The following UBAC2 variants were observed in gnomAD, a reference collection of about 807,000 sequenced individuals.
The protein encoded by UBAC2 is UBA domain containing 2, also known as ubiquitin-associated domain-containing protein 2.
Under a neutral mutation model 44.0 loss-of-function variants are expected in UBAC2, and 26 were observed. The ratio of observed to expected loss-of-function variants is 0.59; its 90% CI spans 0.43 to 0.82. The LOEUF is 0.82. Among genes scored for constraint, UBAC2 ranks in the 40% least tolerant of loss-of-function variants. The probability of loss-of-function intolerance (pLI) is 0.00; values close to 1 mark genes in which losing one functional copy is unlikely to be tolerated. For missense variants in UBAC2, 329 were observed against 419.4 expected, an observed-to-expected ratio of 0.78 and a Z score of 1.88; for synonymous variants, 155 against 154.3, an observed-to-expected ratio of 1.00 and a Z score of -0.04.
chr13:99,295,683 C>CA lies in UBAC2; in HGVS notation c.390-18411dup. 1 of 1,614,128 alleles carries CA rather than the reference C, an allele frequency of 6.2e-7. No homozygotes were observed. Among genetic ancestry groups the CA allele is most frequent in the South Asian group, 1.1e-5 (1 of 91,082 alleles). The stretch of plus-strand genomic sequence containing the variant: ...GTCTGAGCAAATACTAGAATCCAGA[C>CA]AAATATGCACACGCCTTTTGCATGT... On this transcript the variant is annotated intron_variant, in intron 4 of 8. Coordinates refer to ENST00000403766, the MANE Select transcript of UBAC2 (RefSeq NM_001144072.2). This position sits in a 1 kb window ranked among gnomAD's most constrained non-coding sequence, Gnocchi z 4.1.
chr13:99,314,003 A>C (rs976676773), intron 4 of UBAC2, 94 bp from the exon 5 acceptor site: 1 of 1,214,420 alleles, frequency 8.2e-7, no homozygotes, highest in Non-Finnish European at 1.1e-6. Flanking sequence ...TTCAGACTGA[A>C]ATAAAATTAT....
chr13:99,212,180 TCAAG>T (rs1049980994), intron 1 of UBAC2, among the ~76,000 whole-genome samples: 4 of 152,226 alleles, frequency 2.6e-5, no homozygotes, highest in African/African-American at 9.6e-5. Context: ...CTATCTTACA[TCAAG>T]CAATTTTAAA....
intron 1 of UBAC2, among the ~76,000 whole-genome samples, chr13:99,221,060 C>G (rs959353332): frequency 1.3e-5 from 2 of 152,088 alleles, no homozygotes; most frequent in African/African-American, 4.8e-5. Flanking sequence ...TTTCTACAAC[C>G]TATTGCTTAA....
chr13:99,290,749 GAAA>G (rs768365421), intron 4 of UBAC2, among the ~76,000 whole-genome samples: 275 of 149,338 alleles, frequency 1.8e-3, no homozygotes, highest in South Asian at 3.0e-3. Flanking sequence ...AAAAAAGAAA[GAAA>G]GAAAGAAAAA....
intron 6 of UBAC2, among the ~76,000 whole-genome samples, chr13:99,336,364 A>G (rs1017554108): frequency 6.6e-6 from 1 of 152,126 alleles, no homozygotes; most frequent in Non-Finnish European, 1.5e-5. Context: ...TTTCTTTTCT[A>G]GTTTGTACCT....
At chr13:99,215,841 G>A (rs558735994) in intron 1 of UBAC2, 23 of 526,446 alleles carry the variant, frequency 4.4e-5, no homozygotes, top group Admixed American at 6.8e-5. Flanking sequence ...CTCCTTCATC[G>A]CACCGTGATT....
intron 8 of UBAC2, among the ~76,000 whole-genome samples, chr13:99,382,792 A>G (rs930916895): frequency 1.3e-5 from 2 of 152,130 alleles, no homozygotes; most frequent in African/African-American, 4.8e-5. Context: ...GAGACATGGA[A>G]AAAGGCAGGG....
intron 1 of UBAC2, among the ~76,000 whole-genome samples, chr13:99,202,543 G>A (rs2042817360): frequency 6.6e-6 from 1 of 152,180 alleles, no homozygotes. Context: ...AAATCTTATT[G>A]GTTGCTGTAC....
chr13:99,235,857 A>G (rs1246958689), intron 1 of UBAC2, among the ~76,000 whole-genome samples: 2 of 152,020 alleles, frequency 1.3e-5, no homozygotes, highest in South Asian at 2.1e-4. Context: ...AGTCCCAGCT[A>G]CTAGGGAGGC....
chr13:99,215,503 C>T (rs895179498), intron 1 of UBAC2: 18 of 1,465,980 alleles, frequency 1.2e-5, no homozygotes, highest in Middle Eastern at 2.4e-4. Context: ...TTGCAAGTGA[C>T]GAGGGGTAAT....
intron 7 of UBAC2, among the ~76,000 whole-genome samples, chr13:99,363,908 G>A (rs1384012173): frequency 1.3e-5 from 2 of 151,994 alleles, no homozygotes; most frequent in Non-Finnish European, 2.9e-5. Context: ...TAGATCTTTT[G>A]TTTGATTTTA....
intron 4 of UBAC2, among the ~76,000 whole-genome samples, chr13:99,276,373 C>G (rs1315798948): frequency 6.6e-6 from 1 of 152,224 alleles, no homozygotes; most frequent in Non-Finnish European, 1.5e-5. Context: ...CCCACAAGGT[C>G]TGTACCCCCA....
intron 4 of UBAC2, among the ~76,000 whole-genome samples, chr13:99,264,624 A>G (rs2043716680): frequency 6.6e-6 from 1 of 152,028 alleles, no homozygotes; most frequent in Admixed American, 6.6e-5. Context: ...CATTTCTCTG[A>G]TGGTCACTCT....
chr13:99,274,251 T>TG (rs2043853957), intron 4 of UBAC2, among the ~76,000 whole-genome samples: 1 of 152,344 alleles, frequency 6.6e-6, no homozygotes, highest in South Asian at 2.1e-4. Flanking sequence ...TCACCTGTGT[T>TG]GCTGTATGTA....
chr13:99,266,896 G>A (rs548445034), intron 4 of UBAC2, among the ~76,000 whole-genome samples: 28 of 152,190 alleles, frequency 1.8e-4, no homozygotes, highest in Admixed American at 1.3e-3. Flanking sequence ...TGAAATTGCC[G>A]GATCGTGTGG....
chr13:99,385,290 A>G lies in UBAC2; in HGVS notation c.990A>G (p.Ser330=). The G allele has an allele frequency of 6.2e-7, 1 of 1,614,162 alleles. No homozygotes were observed. Among genetic ancestry groups the G allele is most frequent in the African/African-American group, 1.3e-5 (1 of 75,032 alleles). The change falls in exon 9 of 9, where the codon TCA becomes TCG. Residue 330 remains serine (S), a synonymous_variant. Coordinates refer to ENST00000403766, the MANE Select transcript of UBAC2 (RefSeq NM_001144072.2). ...RGDALEALRA[S]NNDLNVATNF... The stretch of plus-strand genomic sequence containing the variant: ...ATGCTTTGGAAGCCCTGAGAGCTTC[A>G]AACAATGACCTCAATGTCGCCACCA...
In UBAC2 at chr13:99,232,399, G is replaced by GATATATATATATAT. The variant is rs1555321112; in HGVS notation, c.32-6023_32-6022insTATATATATATATA. 3.6e-3 allele frequency among the ~76,000 whole-genome samples: 393 copies of GATATATATATATAT among 109,776 alleles called. 4 individuals carry two copies. Among genetic ancestry groups the GATATATATATATAT allele is most frequent in the Non-Finnish European group, 5.3e-3 (251 of 47,120 alleles). 72.0% of individuals were successfully genotyped at this position (109,776 alleles called of 152,430 possible). On this transcript the variant is annotated intron_variant, in intron 1 of 8. Coordinates refer to ENST00000403766, the MANE Select transcript of UBAC2 (RefSeq NM_001144072.2). ...AGACCCTGTCCATCCTTAGTTGAGA[G>GATATATATATATAT]ATATAGATATATATATATATATTCA...
intron 4 of UBAC2, among the ~76,000 whole-genome samples, chr13:99,299,144 A>G (rs143479521): frequency 1.3e-5 from 2 of 152,340 alleles, no homozygotes; most frequent in African/African-American, 2.4e-5. Context: ...TTGTATACAA[A>G]TGCGTGTCTG....
In UBAC2 at chr13:99,295,174, T is replaced by G; in HGVS notation, c.390-18923T>G. 5.0e-6 allele frequency: 8 copies of G among 1,614,136 alleles called. No individual in the cohort carries two copies. The highest frequency in any genetic ancestry group is 6.8e-6 in the Non-Finnish European group (8 of 1,180,012). ...TAGAAATCGATACACTGACTTGCCG[T>G]TTCAGCATCCTCATAACCTTTCTCT... On this transcript the variant is annotated intron_variant, in intron 4 of 8. Coordinates refer to ENST00000403766, the MANE Select transcript of UBAC2 (RefSeq NM_001144072.2). This position sits in a 1 kb window ranked among gnomAD's most constrained non-coding sequence, Gnocchi z 4.1.
Sources: allele counts gnomAD v4.1 joint callset (sites outside exome capture counted in the v4.1 genomes callset), GRCh38; gene constraint gnomAD v4.1.1; non-coding constraint Gnocchi (gnomAD v3.1); transcripts MANE v1.5; gene names NCBI Gene and HGNC (gene_info 2026-07-23, HGNC 2026-07-21).